Variants in GSE1 observed in about 807,000 individuals in gnomAD.
GSE1 encodes Gse1 coiled-coil protein, also known as genetic suppressor element 1.
Under a neutral mutation model 112.6 loss-of-function variants are expected in GSE1, and 32 were observed. The ratio of observed to expected loss-of-function variants is 0.28; its 90% CI spans 0.21 to 0.38. The LOEUF (loss-of-function observed/expected upper bound fraction) is 0.38. Ranked by LOEUF, GSE1 falls within the 10% of genes least tolerant of loss-of-function variation. The pLI, the probability that GSE1 is intolerant of heterozygous loss-of-function variation, is 1.00. For synonymous variants in GSE1, 1,115 were observed against 735.6 expected (o/e 1.52, Z -8.35); for missense variants, 2,348 against 1,699.2 (o/e 1.38, Z -6.71).
intron 2 of GSE1, among the ~76,000 whole-genome samples, chr16:85,537,726 G>A (rs550641155): frequency 2.0e-5 from 3 of 152,366 alleles, no homozygotes; most frequent in South Asian, 4.1e-4. Context: ...GGTGAAGGCC[G>A]AAGAGGCCCT....
intron 2 of GSE1, among the ~76,000 whole-genome samples, chr16:85,427,592 A>T (rs1411581312): frequency 2.0e-5 from 3 of 152,190 alleles, no homozygotes; most frequent in Non-Finnish European, 4.4e-5. Flanking sequence ...CAGTGAACCA[A>T]GATCGCGCCA....
At chr16:85,244,984 T>A (rs1905476930) in intron 1 of GSE1, among the ~76,000 whole-genome samples, 1 of 137,674 alleles carries the variant, frequency 7.3e-6, no homozygotes, top group South Asian at 2.5e-4. Context: ...GAGTGAGACT[T>A]CATCTCAAAA....
At chr16:85,383,867 G>A (rs2047624388) in intron 2 of GSE1, among the ~76,000 whole-genome samples, 1 of 152,170 alleles carries the variant, frequency 6.6e-6, no homozygotes, top group Non-Finnish European at 1.5e-5. Context: ...GGTCAGAGTG[G>A]ACCACTGGTC....
intron 2 of GSE1, among the ~76,000 whole-genome samples, chr16:85,435,454 C>A (rs1174773699): frequency 1.3e-5 from 2 of 152,180 alleles, no homozygotes; most frequent in African/African-American, 2.4e-5. Flanking sequence ...TCGACTGCAG[C>A]GGAAATTCCT....
intron 1 of GSE1, among the ~76,000 whole-genome samples, chr16:85,315,989 C>T (rs1035547543): frequency 6.6e-6 from 1 of 152,202 alleles, no homozygotes; most frequent in South Asian, 2.1e-4. Context: ...CCCATGGTGC[C>T]CCTGCTGGGC....
chr16:85,585,730 T>C (rs1487378762), intron 1 of GSE1, among the ~76,000 whole-genome samples: 1 of 152,246 alleles, frequency 6.6e-6, no homozygotes, highest in Non-Finnish European at 1.5e-5. Context: ...TCCTTGTTTA[T>C]AGAGCTGACG....
chr16:85,246,123 C>T (rs925706919), intron 1 of GSE1, among the ~76,000 whole-genome samples: 3 of 150,768 alleles, frequency 2.0e-5, no homozygotes, highest in Admixed American at 6.6e-5. Context: ...CACTAGCACC[C>T]GTGTTTTCCT....
intron 2 of GSE1, among the ~76,000 whole-genome samples, chr16:85,369,163 C>T (rs1344938615): frequency 1.3e-5 from 2 of 152,136 alleles, no homozygotes; most frequent in African/African-American, 4.8e-5. Context: ...ACTGTTCCCT[C>T]ATCTTTTCCC....
intron 14 of GSE1, 50 bp downstream of exon 14, chr16:85,668,474 G>C: frequency 7.7e-7 from 1 of 1,303,776 alleles, no homozygotes; most frequent in African/African-American, 1.4e-5. Context: ...AAGTACCTTT[G>C]GAAAGGAAGC....
At chr16:85,171,957 T>A (rs1027603237) in intron 1 of GSE1, 4 of 336,306 alleles carry the variant, frequency 1.2e-5, no homozygotes, top group Non-Finnish European at 1.7e-5. Flanking sequence ...CCTCCCTGAG[T>A]CACTGGGCTG....
chr16:85,463,313 G>A (rs1310572498), intron 2 of GSE1, among the ~76,000 whole-genome samples: 2 of 152,216 alleles, frequency 1.3e-5, no homozygotes, highest in African/African-American at 4.8e-5. Context: ...CAACTCAGAA[G>A]AGAAGCCCTG....
intron 1 of GSE1, among the ~76,000 whole-genome samples, chr16:85,317,634 C>G (rs2046013741): frequency 6.6e-6 from 1 of 151,814 alleles, no homozygotes; most frequent in Admixed American, 6.6e-5. Context: ...ACGGTCAGCA[C>G]TGGTGGGCAT....
At chr16:85,646,895 G>T (rs187678269) in intron 2 of GSE1, among the ~76,000 whole-genome samples, 28 of 151,916 alleles carry the variant, frequency 1.8e-4, no homozygotes, top group Admixed American at 8.5e-4. Flanking sequence ...CACAACAAGG[G>T]GGGGGGTGGG....
chr16:85,309,217 A>C (rs543148203), intron 1 of GSE1, among the ~76,000 whole-genome samples: 17 of 152,228 alleles, frequency 1.1e-4, no homozygotes, highest in African/African-American at 3.6e-4. Flanking sequence ...AAGTAAAAAG[A>C]GGCCAGGTGC....
At chr16:85,477,948 T>G (rs1444880079) in intron 2 of GSE1, among the ~76,000 whole-genome samples, 1 of 152,180 alleles carries the variant, frequency 6.6e-6, no homozygotes. Context: ...CCCATGGTGT[T>G]GAGTCATCAC....
At chr16:85,355,225 G>C (rs1259176571) in intron 1 of GSE1, among the ~76,000 whole-genome samples, 1 of 147,276 alleles carries the variant, frequency 6.8e-6, no homozygotes, top group East Asian at 2.0e-4. Flanking sequence ...ATCCCTAAAA[G>C]AAAAAAAAAA....
intron 2 of GSE1, among the ~76,000 whole-genome samples, chr16:85,480,122 A>G (rs2050625076): frequency 6.6e-6 from 1 of 152,178 alleles, no homozygotes; most frequent in East Asian, 1.9e-4. Context: ...CCCATTTACT[A>G]GATGATGAAA....
At chr16:85,335,536 C>T (rs1425716071) in intron 1 of GSE1, among the ~76,000 whole-genome samples, 1 of 152,038 alleles carries the variant, frequency 6.6e-6, no homozygotes, top group Admixed American at 6.5e-5. Context: ...GGTGCTGGGG[C>T]GTGGGTTTGT....
chr16:85,314,708 C>T (rs948531960), intron 1 of GSE1, among the ~76,000 whole-genome samples: 10 of 152,198 alleles, frequency 6.6e-5, no homozygotes, highest in Non-Finnish European at 1.5e-4. Flanking sequence ...GGAGCTCCGC[C>T]GTCTCCCCCG....
Sources: gnomAD v4.1 joint callset for allele counts (sites outside exome capture counted in the v4.1 genomes callset) on GRCh38, gnomAD v4.1.1 for gene constraint, MANE v1.5 for transcripts, NCBI Gene and HGNC (gene_info 2026-07-23, HGNC 2026-07-21) for gene names.